Variants in TAFA1 observed in about 807,000 individuals in gnomAD.
TAFA1 encodes TAFA chemokine like family member 1.
TAFA1 carries 4 observed loss-of-function variants against 18.5 expected under a neutral mutation model. That is an observed-to-expected ratio of 0.22 (90% CI 0.11 to 0.49). The LOEUF (loss-of-function observed/expected upper bound fraction) is 0.49, where lower values mean the gene tolerates loss of function less well. Ranked by LOEUF, TAFA1 falls within the 20% of genes least tolerant of loss-of-function variation. The pLI, the probability that TAFA1 is intolerant of heterozygous loss-of-function variation, is 0.98. For synonymous variants in TAFA1, 56 were observed against 55.2 expected (o/e 1.01, Z -0.06); for missense variants, 147 against 169.0 (o/e 0.87, Z 0.72).
intron 2 of TAFA1, among the ~76,000 whole-genome samples, chr3:68,411,834 A>T (rs1057233330): frequency 6.6e-6 from 1 of 152,194 alleles, no homozygotes; most frequent in Non-Finnish European, 1.5e-5. Flanking sequence ...CATGGGCAGG[A>T]TAGACTGAAA....
intron 2 of TAFA1, among the ~76,000 whole-genome samples, chr3:68,195,560 C>A (rs142101486): frequency 6.6e-6 from 1 of 151,196 alleles, no homozygotes; most frequent in African/African-American, 2.4e-5. Flanking sequence ...CTGTCACAAC[C>A]TGTTTTGCTC....
At chr3:68,487,900 T>C (rs1034880408) in intron 3 of TAFA1, among the ~76,000 whole-genome samples, 5 of 152,130 alleles carry the variant, frequency 3.3e-5, no homozygotes, top group African/African-American at 9.7e-5. Context: ...TTCTTTTTAT[T>C]GGCATGTATT....
At chr3:68,485,136 GAA>G (rs2072313233) in intron 3 of TAFA1, among the ~76,000 whole-genome samples, 6 of 152,044 alleles carry the variant, frequency 3.9e-5, no homozygotes, top group Admixed American at 3.9e-4. Flanking sequence ...AATCCACCCA[GAA>G]CAAATAACTG....
chr3:68,310,881 T>C (rs903195323), intron 2 of TAFA1, among the ~76,000 whole-genome samples: 1 of 152,138 alleles, frequency 6.6e-6, no homozygotes, highest in African/African-American at 2.4e-5. Context: ...CTGTCAAGTG[T>C]TTACGTATGC....
rs183673980 is a variant in TAFA1, at chr3:68,385,733, T to A, written c.119-31547T>A. ...AAACTCTACTTGCCTCCTTTTTTTT[T>A]AAGTAGTTTCCTACTGGAACACAGT... On this transcript the variant is annotated intron_variant, in intron 2 of 4. Transcript: ENST00000478136. Among the ~76,000 whole-genome samples the A allele has an allele frequency of 1.8e-3, 273 of 152,188 alleles. 1 individual carries two copies. In the South Asian group the frequency reaches 0.031, roughly 17 times the overall value.
At chr3:68,166,196 A>G (rs2065980432) in intron 2 of TAFA1, among the ~76,000 whole-genome samples, 1 of 152,206 alleles carries the variant, frequency 6.6e-6, no homozygotes, top group South Asian at 2.1e-4. Flanking sequence ...TCTTATTTGC[A>G]GGGACAAGAT....
chr3:68,094,969 T>A (rs1490956266), intron 2 of TAFA1, among the ~76,000 whole-genome samples: 1 of 152,162 alleles, frequency 6.6e-6, no homozygotes, highest in Non-Finnish European at 1.5e-5. Flanking sequence ...GTAGAATAAC[T>A]GTTGGTAGTT....
rs187987361 is a variant in TAFA1 at position 68,252,689 on chromosome 3, C to A, written c.119-164591C>A. Reference sequence around the variant, plus strand: ...CAAACTGCCTGGGTACCAATTCTGGCTCTACCACTTACTAAACTTATGTTA... The same window carrying A: ...CAAACTGCCTGGGTACCAATTCTGGATCTACCACTTACTAAACTTATGTTA... On this transcript the variant is annotated intron_variant, in intron 2 of 4. Transcript: ENST00000478136. Among the ~76,000 whole-genome samples, 16 of 152,292 alleles carry A rather than the reference C, an allele frequency of 1.1e-4. No homozygotes were observed. In the East Asian group the frequency reaches 3.1e-3, roughly 29 times the overall value.
At chr3:68,254,172 T>TAC (rs2067252804) in intron 2 of TAFA1, among the ~76,000 whole-genome samples, 1 of 148,976 alleles carries the variant, frequency 6.7e-6, no homozygotes, top group Non-Finnish European at 1.5e-5. Context: ...TATCTATCTA[T>TAC]CTATCTATCT....
chr3:68,467,134 T>C (rs974975506), intron 3 of TAFA1, among the ~76,000 whole-genome samples: 1 of 152,214 alleles, frequency 6.6e-6, no homozygotes, highest in African/African-American at 2.4e-5. Context: ...TTATCTCCCT[T>C]GTTCCCTGAA....
intron 2 of TAFA1, among the ~76,000 whole-genome samples, chr3:68,397,117 C>T (rs1329221843): frequency 1.3e-5 from 2 of 152,068 alleles, no homozygotes; most frequent in South Asian, 2.1e-4. Flanking sequence ...AGACTGTTCT[C>T]GTGAGGATCT....
chr3:67,999,285 C>CTGTGTGTGTGTGTGTGTGTGTGTGTG (rs373368779), upstream of TAFA1, among the ~76,000 whole-genome samples: 8 of 4,740 alleles, frequency 1.7e-3, no homozygotes, highest in African/African-American at 2.6e-3. Context: ...CCCCCCCTCT[C>CTGTGTGTGTGTGTGTGTGTGTGTGTG]TCTGTGTGTG....
At chr3:68,123,980 T>A (rs1575630033) in intron 2 of TAFA1, among the ~76,000 whole-genome samples, 1 of 148,402 alleles carries the variant, frequency 6.7e-6, no homozygotes, top group Non-Finnish European at 1.5e-5. Flanking sequence ...CTTGGGTTTT[T>A]AAAAAAGCTT....
chr3:68,430,538 C>T (rs768501079), intron 3 of TAFA1, among the ~76,000 whole-genome samples: 6 of 151,846 alleles, frequency 4.0e-5, no homozygotes, highest in Non-Finnish European at 5.9e-5. Flanking sequence ...TGGGAAATTG[C>T]GTAAATTAGT....
chr3:68,150,385 C>T (rs534253795), intron 2 of TAFA1, among the ~76,000 whole-genome samples: 5 of 152,338 alleles, frequency 3.3e-5, no homozygotes, highest in African/African-American at 1.2e-4. Flanking sequence ...CAAATTCCCA[C>T]CTCAGCCATT....
intron 3 of TAFA1, among the ~76,000 whole-genome samples, chr3:68,512,205 TACTA>T (rs2072857342): frequency 6.6e-6 from 1 of 152,144 alleles, no homozygotes; most frequent in African/African-American, 2.4e-5. Flanking sequence ...TCGATTTACT[TACTA>T]AGTTCAATCT....
At chr3:68,123,805 T>G (rs1250316737) in intron 2 of TAFA1, among the ~76,000 whole-genome samples, 1 of 147,460 alleles carries the variant, frequency 6.8e-6, no homozygotes, top group East Asian at 2.0e-4. Context: ...CACTTTTGCT[T>G]TCTGTAACCA....
chr3:68,284,825 C>T (rs1445897063), intron 2 of TAFA1, among the ~76,000 whole-genome samples: 1 of 152,076 alleles, frequency 6.6e-6, no homozygotes, highest in East Asian at 1.9e-4. Flanking sequence ...GCAATCCTAG[C>T]TACTGGGGAA....
chr3:68,463,766 G>A (rs1215754848), intron 3 of TAFA1, among the ~76,000 whole-genome samples: 1 of 152,120 alleles, frequency 6.6e-6, no homozygotes, highest in Non-Finnish European at 1.5e-5. Flanking sequence ...TATAAATTTG[G>A]AAGGAGGATG....
Sources: gnomAD v4.1 joint callset for allele counts (sites outside exome capture counted in the v4.1 genomes callset) on GRCh38, gnomAD v4.1.1 for gene constraint, MANE v1.5 for transcripts, NCBI Gene and HGNC (gene_info 2026-07-23, HGNC 2026-07-21) for gene names.